Variants in XPO6 observed in about 807,000 individuals in gnomAD.
XPO6 encodes the protein exportin-6.
Under a neutral mutation model 130.0 loss-of-function variants are expected in XPO6, and 3 were observed. That is an observed-to-expected ratio of 0.02 (90% CI 0.01 to 0.06). The LOEUF is 0.06. Ranked by LOEUF, XPO6 falls within the 10% of genes least tolerant of loss-of-function variation. The pLI, the probability that XPO6 is intolerant of heterozygous loss-of-function variation, is 1.00. For synonymous variants in XPO6, 524 were observed against 548.9 expected (o/e 0.95, Z 0.63); for missense variants, 970 against 1,393.0 (o/e 0.70, Z 4.83).
chr16:28,168,089 A>G (rs533579560), intron 5 of XPO6, among the ~76,000 whole-genome samples: 1 of 152,344 alleles, frequency 6.6e-6, no homozygotes, highest in East Asian at 1.9e-4. Context: ...GTTTTATCTC[A>G]ATTTTTAAAA....
At chr16:28,117,602 C>T in intron 14 of XPO6, 140 bp from the exon 15 acceptor site, 2 of 1,061,914 alleles carry the variant, frequency 1.9e-6, no homozygotes, top group South Asian at 1.6e-5. Context: ...AAATCATTTA[C>T]CGGTTCACGT....
chr16:28,129,087 G>A (rs988584902), intron 12 of XPO6, among the ~76,000 whole-genome samples: 4 of 152,192 alleles, frequency 2.6e-5, no homozygotes, highest in African/African-American at 4.8e-5. Context: ...TGAAACTGTT[G>A]ACACTTGATC....
intron 1 of XPO6, among the ~76,000 whole-genome samples, chr16:28,202,218 A>T (rs1257202911): frequency 6.6e-6 from 1 of 152,208 alleles, no homozygotes; most frequent in Non-Finnish European, 1.5e-5. Flanking sequence ...TATTTAATGA[A>T]CCATCTTCAT....
intron 12 of XPO6, among the ~76,000 whole-genome samples, chr16:28,131,102 C>CA (rs778531355): frequency 5.3e-5 from 8 of 152,210 alleles, no homozygotes; most frequent in Non-Finnish European, 8.8e-5. Context: ...TTAGTGGTGA[C>CA]AGCACATTTT....
chr16:28,210,702 A>C (rs771628278), intron 1 of XPO6, among the ~76,000 whole-genome samples: 7 of 152,184 alleles, frequency 4.6e-5, no homozygotes, highest in Admixed American at 1.3e-4. Context: ...GAAAACGTGG[A>C]AGGTAGCTTC....
In XPO6 at chr16:28,150,978, C is replaced by G. The variant is rs1228222052; in HGVS notation, c.1224+1681G>C. On this transcript the variant is annotated intron_variant, in intron 8 of 23. Coordinates refer to ENST00000304658, the MANE Select transcript of XPO6 (RefSeq NM_015171.4). ...CCCTCTACCTGACACCTCTGAGCTT[C>G]TTCAAGTTTTGGCCTTCCCTCCCCT... is the stretch of plus-strand genomic sequence containing the variant. Among the ~76,000 whole-genome samples, 3 of 152,084 alleles carry G rather than the reference C, an allele frequency of 2.0e-5. No individual in the cohort carries two copies. The East Asian group carries it at 5.8e-4, about 30-fold the overall frequency.
In XPO6 at chr16:28,155,813, A is replaced by G. The variant is rs2043174983; in HGVS notation, c.1097+261T>C. On this transcript the variant is annotated intron_variant, in intron 7 of 23. Coordinates refer to ENST00000304658, the MANE Select transcript of XPO6 (RefSeq NM_015171.4). ...AGGAAAAGGGGGCAAGAGGAGTAGA[A>G]GGGAGGACAGGAGATGGATGGGGAG... is the stretch of plus-strand genomic sequence containing the variant. The G allele has an allele frequency of 5.1e-6, 4 of 788,610 alleles. No homozygotes were observed. In the East Asian group the frequency reaches 1.6e-4, roughly 31 times the overall value. The allele number at this position is 788,610 out of a possible 1,614,324, so 48.9% of individuals were successfully genotyped here.
At position 28,211,645 on chromosome 16, in the gene XPO6, G is replaced by T; in HGVS notation, c.-277C>A. On this transcript the variant is annotated 5_prime_UTR_variant, in exon 1 of 24. Coordinates refer to ENST00000304658, the MANE Select transcript of XPO6 (RefSeq NM_015171.4). The stretch of plus-strand genomic sequence containing the variant: ...ATGAGGCTCGGATGCCGGCGAGGAG[G>T]GCAGCTGCTCGGGACCCCCGCCCGG... 2.5e-6 allele frequency: 1 copy of T among 398,434 alleles called. No homozygotes were observed. The highest frequency in any genetic ancestry group is 4.4e-6 in the Non-Finnish European group (1 of 226,394). 24.7% of individuals were successfully genotyped at this position (398,434 alleles called of 1,614,324 possible).
chr16:28,154,255 TAAAAAAAAAAAAAA>T, intron 7 of XPO6: 1 of 811,098 alleles, frequency 1.2e-6, no homozygotes, highest in Non-Finnish European at 1.4e-6. Flanking sequence ...ACTACCCATT[TAAAAAAAAAAAAAA>T]AAAAAAAAAA....
intron 1 of XPO6, among the ~76,000 whole-genome samples, chr16:28,202,856 A>G (rs1449076482): frequency 6.6e-6 from 1 of 152,222 alleles, no homozygotes; most frequent in Non-Finnish European, 1.5e-5. Flanking sequence ...GTTTCAAGAA[A>G]AGAAAAGGAG....
At chr16:28,116,305 C>T (rs1045000772) in intron 15 of XPO6, among the ~76,000 whole-genome samples, 5 of 151,944 alleles carry the variant, frequency 3.3e-5, no homozygotes, top group African/African-American at 1.2e-4. Context: ...ACAAAAAATA[C>T]AAAAAAATTA....
Position 28,115,908 on chromosome 16 carries a change from C to T in XPO6, c.2004+1410G>A, listed in dbSNP as rs544148755. 2.0e-5 allele frequency among the ~76,000 whole-genome samples: 3 copies of T among 152,338 alleles called. No individual in the cohort carries two copies. In the South Asian group the frequency reaches 6.2e-4, roughly 32 times the overall value. On this transcript the variant is annotated intron_variant, in intron 15 of 23. Transcript: ENST00000304658. The stretch of plus-strand genomic sequence containing the variant: ...TCTTTCCTTAAACCTCATGAACCAA[C>T]CTGTGTTAGCTTCCAACTCTTCTTC...
intron 7 of XPO6, among the ~76,000 whole-genome samples, chr16:28,154,835 G>C (rs1268394064): frequency 1.3e-5 from 2 of 149,178 alleles, no homozygotes; most frequent in Non-Finnish European, 2.9e-5. Flanking sequence ...CATATGAAGA[G>C]ATAGACATGA....
At chr16:28,117,543 G>T in intron 14 of XPO6, 81 bp from the exon 15 acceptor site, 1 of 1,509,610 alleles carries the variant, frequency 6.6e-7, no homozygotes, top group Non-Finnish European at 9.0e-7. Context: ...TAGGAGGTAA[G>T]AATTGCATCC....
intron 1 of XPO6, among the ~76,000 whole-genome samples, chr16:28,181,510 G>A (rs1464153943): frequency 8.1e-6 from 1 of 123,152 alleles, no homozygotes; most frequent in Non-Finnish European, 1.8e-5. Flanking sequence ...GGGTAACCAG[G>A]GAGAGTGGTT....
chr16:28,152,774 T>C lies in XPO6; in HGVS notation c.1109A>G (p.Lys370Arg), dbSNP rs564630263. The C allele has an allele frequency of 4.5e-5, 73 of 1,612,940 alleles. 1 individual carries two copies. In the South Asian group the frequency reaches 6.5e-4, roughly 14 times the overall value. Reference sequence around the variant, plus strand: ...AAAGAGCCGAAGAAAGTCAGTAAACTTCTCGATATAGCTAAATGAGACAAG... The same window carrying C: ...AAAGAGCCGAAGAAAGTCAGTAAACCTCTCGATATAGCTAAATGAGACAAG... ...LEELDESYIE[K>R]FTDFLRLFVS... The change falls in exon 8 of 24, where the codon AAG becomes AGG. Residue 370 changes from lysine (K) to arginine (R), a missense_variant. Physicochemically the swap from Lys to Arg is conservative, Grantham distance 26. Around this residue, in one of 4 missense-constraint regions of XPO6, gnomAD observed 936 missense variants for 1,306.8 expected, o/e 0.72. Transcript: ENST00000304658.
At chr16:28,144,608 C>T (rs189773833) in intron 9 of XPO6, among the ~76,000 whole-genome samples, 61 of 152,310 alleles carry the variant, frequency 4.0e-4, no homozygotes, top group African/African-American at 1.4e-3. Flanking sequence ...CATAAAACCT[C>T]AGCAATGGAA....
intron 14 of XPO6, among the ~76,000 whole-genome samples, chr16:28,121,048 C>T (rs939347590): frequency 2.6e-5 from 4 of 152,240 alleles, no homozygotes; most frequent in African/African-American, 7.2e-5. Context: ...GGGATACTGC[C>T]CATCTCCTGT....
chr16:28,133,941 G>C lies in XPO6; in HGVS notation c.1444-8C>G. 6.2e-7 allele frequency: 1 copy of C among 1,613,690 alleles called. No homozygotes were observed. The highest frequency in any genetic ancestry group is 8.5e-7 in the Non-Finnish European group (1 of 1,179,854). ...CTGCCACTCCGTCTGCTGCTGTAGG[G>C]GAAGCACAGGAGAATCAGCTCTCCC... On this transcript the variant is annotated splice_region_variant and splice_polypyrimidine_tract_variant and intron_variant, in intron 10 of 23. Transcript: ENST00000304658.
Sources: allele counts gnomAD v4.1 joint callset (sites outside exome capture counted in the v4.1 genomes callset), GRCh38; gene constraint gnomAD v4.1.1; regional missense constraint gnomAD v4.1.1; transcripts MANE v1.5; gene names NCBI Gene and HGNC (gene_info 2026-07-23, HGNC 2026-07-21).